The following BCL2A1 variants were observed in gnomAD, a reference collection of about 807,000 sequenced individuals.
The protein encoded by BCL2A1 is bcl-2-related protein A1.
A neutral mutation model predicts 14.4 loss-of-function variants in BCL2A1; 10 were observed. The ratio of observed to expected loss-of-function variants is 0.69; its 90% CI spans 0.43 to 1.18. The LOEUF (loss-of-function observed/expected upper bound fraction) is 1.18, where lower values mean the gene tolerates loss of function less well. Among genes scored for constraint, BCL2A1 ranks in the 50% most tolerant of loss-of-function variants. The probability of loss-of-function intolerance (pLI) is 0.00; values close to 1 mark genes in which losing one functional copy is unlikely to be tolerated. For synonymous variants in BCL2A1, 71 were observed against 76.5 expected, an observed-to-expected ratio of 0.93 and a Z score of 0.38; for missense variants, 158 against 205.0, an observed-to-expected ratio of 0.77 and a Z score of 1.40.
intron 1 of BCL2A1, among the ~76,000 whole-genome samples, chr15:79,969,853 G>A (rs1488408057): frequency 6.6e-6 from 1 of 152,068 alleles, no homozygotes; most frequent in African/African-American, 2.4e-5. Flanking sequence ...GTTACCTCTT[G>A]GGAGAGGTGA....
At chr15:79,965,201 C>T (rs2035528967) in intron 1 of BCL2A1, among the ~76,000 whole-genome samples, 1 of 152,170 alleles carries the variant, frequency 6.6e-6, no homozygotes, top group African/African-American at 2.4e-5. Flanking sequence ...GATCTCACCT[C>T]ACTGCAACCT....
chr15:79,970,058 T>C (rs1279687017), intron 1 of BCL2A1, among the ~76,000 whole-genome samples: 2 of 152,152 alleles, frequency 1.3e-5, no homozygotes, highest in Non-Finnish European at 2.9e-5. Flanking sequence ...TTGAAAATTC[T>C]TGAATAAAGG....
Position 79,970,846 on chromosome 15 carries a change from T to C in BCL2A1, c.274A>G (p.Ile92Val), listed in dbSNP as rs769836962. The C allele has an allele frequency of 3.7e-6, 6 of 1,614,154 alleles. No individual in the cohort carries two copies. Among genetic ancestry groups the C allele is most frequent in the East Asian group, 4.5e-5 (2 of 44,908 alleles). Residue 92 changes from isoleucine to valine, a missense_variant, in exon 1 of 2, where the codon ATA becomes GTA. Physicochemically the swap from Ile to Val is conservative, Grantham distance 29. Coordinates refer to ENST00000267953, the MANE Select transcript of BCL2A1 (RefSeq NM_004049.4). ...ATGAGAATACCTTCAAATGCAAATA[T>C]GGTTACAATTCTTCCCCAGTTAATG... The part of the protein sequence containing the change: ...GIINWGRIVT[I>V]FAFEGILIKK...
chr15:79,970,671 A>C (rs1325721603), intron 1 of BCL2A1, 29 bp downstream of exon 1: 7 of 1,555,270 alleles, frequency 4.5e-6, no homozygotes, highest in Non-Finnish European at 5.2e-6. Flanking sequence ...ACAGGAAAGA[A>C]CAATGAAGAA....
intron 1 of BCL2A1, among the ~76,000 whole-genome samples, chr15:79,962,898 A>G (rs1410887381): frequency 6.6e-6 from 1 of 152,022 alleles, no homozygotes; most frequent in African/African-American, 2.4e-5. Flanking sequence ...GAGCAGTCAT[A>G]ATGTATCACC....
At chr15:79,965,942 G>T (rs185025281) in intron 1 of BCL2A1, among the ~76,000 whole-genome samples, 1 of 147,082 alleles carries the variant, frequency 6.8e-6, no homozygotes, top group Non-Finnish European at 1.5e-5. Context: ...CTATTATTTA[G>T]AGTAAGAGGA....
chr15:79,970,089 T>A (rs2035579925), intron 1 of BCL2A1, among the ~76,000 whole-genome samples: 1 of 152,124 alleles, frequency 6.6e-6, no homozygotes, highest in Non-Finnish European at 1.5e-5. Flanking sequence ...TCATACAGTA[T>A]ATTATGTTTT....
intron 1 of BCL2A1, among the ~76,000 whole-genome samples, chr15:79,962,829 A>AG (rs915387876): frequency 1.3e-5 from 2 of 151,978 alleles, no homozygotes; most frequent in African/African-American, 2.4e-5. Flanking sequence ...TACAGGTGTG[A>AG]GCCACCGCAC....
chr15:79,970,639 G>A (rs2035583562), intron 1 of BCL2A1, 61 bp downstream of exon 1: 4 of 1,478,300 alleles, frequency 2.7e-6, no homozygotes, highest in Non-Finnish European at 3.6e-6. Context: ...TAACTAGCAA[G>A]GAAATTCTCA....
Position 79,967,740 on chromosome 15 carries a change from TC to T in BCL2A1, c.420+2959del, listed in dbSNP as rs1283519095. On this transcript the variant is annotated intron_variant, in intron 1 of 1. Coordinates refer to ENST00000267953, the MANE Select transcript of BCL2A1 (RefSeq NM_004049.4). ...AAATTCATTCATTTAAGCAGATTTG[TC>T]AACATCACTATGAAAAGATGATAAC... The T allele has an allele frequency of 2.5e-6, 3 of 1,177,866 alleles. No homozygotes were observed. The African/African-American group carries it at 4.5e-5, about 18-fold the overall frequency. 73.0% of individuals were successfully genotyped at this position (1,177,866 alleles called of 1,614,324 possible). A position where few individuals can be genotyped will look rare whatever the true frequency, so the allele number is the denominator to read the frequency against.
intron 1 of BCL2A1, among the ~76,000 whole-genome samples, chr15:79,963,003 T>A (rs1440517957): frequency 6.7e-6 from 1 of 150,150 alleles, no homozygotes; most frequent in Non-Finnish European, 1.5e-5. Flanking sequence ...ATTTTTTGAG[T>A]CAAAGTCTTG....
chr15:79,970,704 C>T lies in BCL2A1; in HGVS notation c.416G>A (p.Gly139Asp), dbSNP rs1179344066. The change falls in exon 1 of 2, where the codon GGC (glycine) becomes GAC (aspartate). Residue 139 changes from glycine (G) to aspartate (D), a missense_variant. By Grantham distance (94) the Gly-to-Asp change is moderately conservative. Transcript: ENST00000267953. ...NTGEWIRQNG[G>D]WENGFVKKFE... ...GAATTTTTCCATCACACATACCCAG[C>T]CTCCGTTTTGCCTTATCCATTCTCC... 6.3e-7 allele frequency: 1 copy of T among 1,595,966 alleles called. No individual in the cohort carries two copies. The highest frequency in any genetic ancestry group is 1.1e-5 in the South Asian group (1 of 89,400).
At chr15:79,963,043 G>GCGATCTCAGCTGGC (rs2035506257) in intron 1 of BCL2A1, among the ~76,000 whole-genome samples, 1 of 151,984 alleles carries the variant, frequency 6.6e-6, no homozygotes, top group Admixed American at 6.6e-5. Context: ...GTGCAATGGC[G>GCGATCTCAGCTGGC]CGATCTCAGC....
intron 1 of BCL2A1, among the ~76,000 whole-genome samples, chr15:79,962,717 T>C (rs2035502670): frequency 6.6e-6 from 1 of 151,764 alleles, no homozygotes; most frequent in Non-Finnish European, 1.5e-5. Flanking sequence ...CCGGCTAATT[T>C]TTGTATTTTT....
chr15:79,966,719 C>A (rs949493188), intron 1 of BCL2A1, among the ~76,000 whole-genome samples: 2 of 151,746 alleles, frequency 1.3e-5, no homozygotes, highest in Non-Finnish European at 2.9e-5. Context: ...TCAGCACTTC[C>A]AATTAGGAGA....
chr15:79,968,618 A>G (rs1438249022), intron 1 of BCL2A1, among the ~76,000 whole-genome samples: 1 of 152,242 alleles, frequency 6.6e-6, no homozygotes, highest in Non-Finnish European at 1.5e-5. Context: ...TAATCAGCAA[A>G]CTAAAAGATA....
At chr15:79,962,798 G>A (rs1413440738) in intron 1 of BCL2A1, among the ~76,000 whole-genome samples, 1 of 151,742 alleles carries the variant, frequency 6.6e-6, no homozygotes, top group African/African-American at 2.4e-5. Flanking sequence ...CACTCACCTC[G>A]GCCTCACAAA....
Position 79,960,908 on chromosome 15 carries a change from C to A in BCL2A1, c.*159G>T. On this transcript the variant is annotated 3_prime_UTR_variant, in exon 2 of 2. Coordinates refer to ENST00000267953, the MANE Select transcript of BCL2A1 (RefSeq NM_004049.4). Reference sequence around the variant, plus strand: ...AATGGCATATAGAGAAAAATACATACAATTTATTCATTACATGGGGACAAA... The same window carrying A: ...AATGGCATATAGAGAAAAATACATAAAATTTATTCATTACATGGGGACAAA... 8.3e-7 allele frequency: 1 copy of A among 1,209,540 alleles called. No homozygotes were observed. The highest frequency in any genetic ancestry group is 1.5e-5 in the South Asian group (1 of 66,724). The allele number at this position is 1,209,540 out of a possible 1,614,324, so 74.9% of individuals were successfully genotyped here.
rs2035583194 is a variant in BCL2A1 at position 79,970,595 on chromosome 15, T to C, written c.420+105A>G. The C allele has an allele frequency of 1.1e-5, 13 of 1,171,036 alleles. No homozygotes were observed. In the South Asian group the frequency reaches 1.5e-4, roughly 13 times the overall value. 72.5% of individuals were successfully genotyped at this position (1,171,036 alleles called of 1,614,324 possible). Reference sequence around the variant, plus strand: ...ATTAAAACAAACCACCCAAGGAAAATAGTATTCTTAGGTAAAGTGTTTTGT... The same window carrying C: ...ATTAAAACAAACCACCCAAGGAAAACAGTATTCTTAGGTAAAGTGTTTTGT... On this transcript the variant is annotated intron_variant, in intron 1 of 1. Transcript: ENST00000267953.
Sources: allele counts gnomAD v4.1 joint callset (sites outside exome capture counted in the v4.1 genomes callset), GRCh38; gene constraint gnomAD v4.1.1; transcripts MANE v1.5; gene names NCBI Gene and HGNC (gene_info 2026-07-23, HGNC 2026-07-21).